IMPA1: variants seen among roughly 807,000 people sequenced by gnomAD.
IMPA1 encodes the protein inositol monophosphatase 1.
IMPA1 carries 21 observed loss-of-function variants against 34.9 expected under a neutral mutation model. The observed-to-expected ratio is 0.60, with a 90% confidence interval of 0.43 to 0.87. IMPA1 has a LOEUF of 0.87. Ranked by LOEUF, IMPA1 falls within the 40% of genes least tolerant of loss-of-function variation. The pLI is 0.00. For synonymous variants in IMPA1, 95 were observed against 104.4 expected, an observed-to-expected ratio of 0.91 and a Z score of 0.55; for missense variants, 299 against 336.4, an observed-to-expected ratio of 0.89 and a Z score of 0.87.
chr8:81,681,385 A>T, intron 2 of IMPA1, 113 bp downstream of exon 2: 1 of 677,118 alleles, frequency 1.5e-6, no homozygotes. Context: ...GGTGACAAGC[A>T]AGACCGTTTC....
chr8:81,673,359 A>G (rs1205299314), intron 6 of IMPA1, among the ~76,000 whole-genome samples: 2 of 152,200 alleles, frequency 1.3e-5, no homozygotes, highest in Non-Finnish European at 2.9e-5. Context: ...TTATCTACCT[A>G]TAACCTGAAC....
rs1806537065 is a variant in IMPA1, at chr8:81,656,999, C to T, written c.*2352G>A. ...ATGTATCTGTGTATGTATCCACATGCAGAAAGATAATATACCCTGATACAA... is the reference window on the plus strand; with the variant it reads ...ATGTATCTGTGTATGTATCCACATGTAGAAAGATAATATACCCTGATACAA... On this transcript the variant is annotated 3_prime_UTR_variant, in exon 9 of 9. Coordinates refer to ENST00000256108, the MANE Select transcript of IMPA1 (RefSeq NM_005536.4). Among the ~76,000 whole-genome samples, 1 of 152,110 alleles carries T rather than the reference C, an allele frequency of 6.6e-6. No homozygotes were observed. Among genetic ancestry groups the T allele is most frequent in the Non-Finnish European group, 1.5e-5 (1 of 68,018 alleles).
intron 1 of IMPA1, among the ~76,000 whole-genome samples, chr8:81,685,522 T>C (rs1807487074): frequency 6.9e-6 from 1 of 145,256 alleles, no homozygotes; most frequent in African/African-American, 2.5e-5. Flanking sequence ...TATATTTCTG[T>C]ACTATATATA....
rs773350503 is a variant in IMPA1, at chr8:81,679,142, T to C, written c.286A>G (p.Thr96Ala). The C allele has an allele frequency of 1.9e-6, 3 of 1,609,354 alleles. No individual in the cohort carries two copies. Among genetic ancestry groups the C allele is most frequent in the African/African-American group, 1.3e-5 (1 of 74,842 alleles). Residue 96 changes from threonine to alanine, a missense_variant, in exon 4 of 9, where the codon ACT becomes GCT. Coordinates refer to ENST00000256108, the MANE Select transcript of IMPA1 (RefSeq NM_005536.4). Reference sequence around the variant, plus strand: ...AAAACATACCTATGTACAAAGTTAGTTGTTCCATCAATAGGGTCAATGATC... The same window carrying C: ...AAAACATACCTATGTACAAAGTTAGCTGTTCCATCAATAGGGTCAATGATC... ...TWIIDPIDGT[T>A]NFVHRFPFVA...
chr8:81,670,916 T>G lies in IMPA1; in HGVS notation c.566+23A>C, dbSNP rs142569405. ...ACACACACGTATACAAAGAGAGAGA[T>G]AGAATAATGGTAAAGAGCTTACCCA... is the stretch of plus-strand genomic sequence containing the variant. On this transcript the variant is annotated intron_variant, in intron 7 of 8. Transcript: ENST00000256108. 8.3e-5 allele frequency: 101 copies of G among 1,215,778 alleles called. 1 individual carries two copies. In the African/African-American group the frequency reaches 1.2e-3, roughly 15 times the overall value. 75.3% of individuals were successfully genotyped at this position (1,215,778 alleles called of 1,614,324 possible). A position where few individuals can be genotyped will look rare whatever the true frequency, so the allele number is the denominator to read the frequency against.
intron 4 of IMPA1, among the ~76,000 whole-genome samples, chr8:81,677,810 G>A (rs1390910321): frequency 6.6e-6 from 1 of 152,092 alleles, no homozygotes; most frequent in African/African-American, 2.4e-5. Context: ...CCTTAGCTTT[G>A]TAGATTTCAA....
chr8:81,674,008 T>A (rs956314084), intron 5 of IMPA1, 59 bp from the exon 6 acceptor site: 6 of 1,018,504 alleles, frequency 5.9e-6, no homozygotes, highest in Middle Eastern at 2.1e-4. Flanking sequence ...CACTTTTTTC[T>A]AAGAAAATAA....
chr8:81,661,253 T>G (rs1439976023), intron 7 of IMPA1, among the ~76,000 whole-genome samples: 1 of 152,240 alleles, frequency 6.6e-6, no homozygotes, highest in East Asian at 1.9e-4. Flanking sequence ...TAGTAATAAT[T>G]TATTCAGTAA....
At chr8:81,671,449 ATTTAC>A (rs1806986607) in intron 6 of IMPA1, among the ~76,000 whole-genome samples, 1 of 152,164 alleles carries the variant, frequency 6.6e-6, no homozygotes, top group South Asian at 2.1e-4. Context: ...TCTGACATCC[ATTTAC>A]AAGGCTGACA....
intron 5 of IMPA1, among the ~76,000 whole-genome samples, chr8:81,675,471 C>T (rs1252306561): frequency 2.6e-5 from 4 of 152,168 alleles, no homozygotes; most frequent in African/African-American, 9.7e-5. Flanking sequence ...AGTGGCAGGG[C>T]CAGCATACAG....
chr8:81,676,336 A>G lies in IMPA1; in HGVS notation c.303-57T>C. 3.5e-6 allele frequency: 3 copies of G among 847,526 alleles called. No individual in the cohort carries two copies. In the South Asian group the frequency reaches 5.8e-5, roughly 16 times the overall value. The allele number at this position is 847,526 out of a possible 1,614,324, so 52.5% of individuals were successfully genotyped here. A position where few individuals can be genotyped will look rare whatever the true frequency, so the allele number is the denominator to read the frequency against. On this transcript the variant is annotated intron_variant, in intron 4 of 8. Coordinates refer to ENST00000256108, the MANE Select transcript of IMPA1 (RefSeq NM_005536.4). The stretch of plus-strand genomic sequence containing the variant: ...TAACCAACATAGAACTTTTGTTAAT[A>G]AAATTAATCTTTTCATAATATAAGT...
At chr8:81,667,412 G>A (rs1348947593) in intron 7 of IMPA1, among the ~76,000 whole-genome samples, 1 of 152,156 alleles carries the variant, frequency 6.6e-6, no homozygotes, top group Non-Finnish European at 1.5e-5. Flanking sequence ...TGGCAGTACT[G>A]GTGTGGGGTC....
intron 1 of IMPA1, among the ~76,000 whole-genome samples, chr8:81,683,959 T>C (rs368463235): frequency 6.6e-6 from 1 of 152,114 alleles, no homozygotes; most frequent in African/African-American, 2.4e-5. Flanking sequence ...AGACCCCTTG[T>C]GAAATGGAGG....
At chr8:81,685,757 A>G in intron 1 of IMPA1, 2 of 1,509,090 alleles carry the variant, frequency 1.3e-6, no homozygotes, top group Non-Finnish European at 1.8e-6. Context: ...TCCGTAGTTT[A>G]CTCACTTTCA....
chr8:81,666,535 A>C (rs947988447), intron 7 of IMPA1, among the ~76,000 whole-genome samples: 14 of 152,214 alleles, frequency 9.2e-5, no homozygotes, highest in Non-Finnish European at 1.9e-4. Context: ...TCAAAGGACT[A>C]AAAATAAAAG....
chr8:81,675,496 T>C (rs1342818499), intron 5 of IMPA1, among the ~76,000 whole-genome samples: 1 of 152,218 alleles, frequency 6.6e-6, no homozygotes, highest in Non-Finnish European at 1.5e-5. Context: ...GAGCTGATTA[T>C]ATACTGAAAG....
At chr8:81,681,687 C>G in intron 1 of IMPA1, 103 bp from the exon 2 acceptor site, 1 of 683,868 alleles carries the variant, frequency 1.5e-6, no homozygotes, top group Non-Finnish European at 2.6e-6. Flanking sequence ...GGATTCACCC[C>G]CTGCCCTAGA....
At chr8:81,664,833 A>G (rs966793484) in intron 7 of IMPA1, among the ~76,000 whole-genome samples, 7 of 152,020 alleles carry the variant, frequency 4.6e-5, no homozygotes, top group East Asian at 1.9e-4. Flanking sequence ...TAACCTGCAC[A>G]TTGTGCACAT....
At chr8:81,671,721 C>G (rs1212502259) in intron 6 of IMPA1, among the ~76,000 whole-genome samples, 1 of 151,994 alleles carries the variant, frequency 6.6e-6, no homozygotes, top group Non-Finnish European at 1.5e-5. Flanking sequence ...CATGGTGAAA[C>G]CCCATCTCTA....
Sources: gnomAD v4.1 joint callset for allele counts (sites outside exome capture counted in the v4.1 genomes callset) on GRCh38, gnomAD v4.1.1 for gene constraint, MANE v1.5 for transcripts, NCBI Gene and HGNC (gene_info 2026-07-23, HGNC 2026-07-21) for gene names.